Variants in HDGF observed in about 807,000 individuals in gnomAD.
The protein encoded by HDGF is heparin binding growth factor.
In HDGF, 5 loss-of-function variants were observed where a neutral mutation model predicts 30.0. That is an observed-to-expected ratio of 0.17 (90% CI 0.09 to 0.35). HDGF has a LOEUF of 0.35. Among genes scored for constraint, HDGF ranks in the 10% least tolerant of loss-of-function variants. The pLI, the probability that HDGF is intolerant of heterozygous loss-of-function variation, is 1.00. For synonymous variants in HDGF, 133 were observed against 112.7 expected (o/e 1.18, Z -1.14); for missense variants, 214 against 302.8 (o/e 0.71, Z 2.18).
chr1:156,748,921 TGAGGTCCTGGCTG>T (rs1650782047), intron 1 of HDGF, among the ~76,000 whole-genome samples: 1 of 151,970 alleles, frequency 6.6e-6, no homozygotes, highest in Admixed American at 6.6e-5. Flanking sequence ...GAAAGACGGG[TGAGGTCCTGGCTG>T]CCCAGGTTTT....
In HDGF at chr1:156,743,813, C is replaced by T; in HGVS notation, c.555G>A (p.Leu185=). Residue 185 remains leucine (L), a synonymous_variant, in exon 5 of 6, where the codon TTG becomes TTA. Transcript: ENST00000357325. ...CCATAGGAAGGGGCCTCTCAACCTC[C>T]AAGGTGGCTGCCTCCTTCTCCTCTC... The part of the protein sequence containing the change: ...PEGEEKEAAT[L]EVERPLPMEV... The T allele has an allele frequency of 6.2e-7, 1 of 1,611,508 alleles. No individual in the cohort carries two copies. Among genetic ancestry groups the T allele is most frequent in the Non-Finnish European group, 8.5e-7 (1 of 1,178,748 alleles).
At chr1:156,744,377 G>T in intron 3 of HDGF, 29 bp from the exon 4 acceptor site, 1 of 1,611,676 alleles carries the variant, frequency 6.2e-7, no homozygotes. Context: ...AGGCTGAGTG[G>T]CACCAGTCGC....
At chr1:156,764,779 G>A (rs999265156) in intron 1 of HDGF, among the ~76,000 whole-genome samples, 62 of 151,660 alleles carry the variant, frequency 4.1e-4, no homozygotes, top group African/African-American at 1.4e-3. Flanking sequence ...CCAGCTACTC[G>A]GGAGGCTGAG....
intron 1 of HDGF, among the ~76,000 whole-genome samples, chr1:156,763,871 A>C (rs1651301971): frequency 6.6e-6 from 1 of 151,918 alleles, no homozygotes; most frequent in Non-Finnish European, 1.5e-5. Flanking sequence ...TACAGGCATG[A>C]GCTACCGCGC....
Position 156,744,992 on chromosome 1 carries a change from G to A in HDGF, c.303+16C>T, listed in dbSNP as rs1650423898. On this transcript the variant is annotated intron_variant, in intron 3 of 5. Coordinates refer to ENST00000357325, the MANE Select transcript of HDGF (RefSeq NM_004494.3). The stretch of plus-strand genomic sequence containing the variant: ...ATCTGCTTTCCAGGGGGTCTCTGGG[G>A]CAGGCGGTGGCTCACCTGATAGCCG... The A allele has an allele frequency of 1.9e-6, 3 of 1,613,606 alleles. No homozygotes were observed. Among genetic ancestry groups the A allele is most frequent in the Non-Finnish European group, 1.7e-6 (2 of 1,179,596 alleles).
chr1:156,744,069 C>CA, intron 4 of HDGF, 94 bp downstream of exon 4: 1 of 1,358,922 alleles, frequency 7.4e-7, no homozygotes, highest in Non-Finnish European at 1.1e-6. Flanking sequence ...ATCGACCTCT[C>CA]AGACTGGGCA....
At chr1:156,751,954 T>C, upstream of HDGF, 1 of 1,295,344 alleles carries the variant, frequency 7.7e-7, no homozygotes, top group Non-Finnish European at 1.1e-6. This position sits in a 1 kb window ranked among gnomAD's most constrained non-coding sequence, Gnocchi z 4.7. Flanking sequence ...CCGCGGTCGG[T>C]GGGTGCCCGC....
At chr1:156,760,345 GA>G (rs1297485871) in intron 1 of HDGF, among the ~76,000 whole-genome samples, 4 of 152,296 alleles carry the variant, frequency 2.6e-5, no homozygotes, top group African/African-American at 7.2e-5. Context: ...GCGTGTGGGT[GA>G]GGGGGGGCCA....
chr1:156,748,602 G>C (rs763972886), intron 1 of HDGF, among the ~76,000 whole-genome samples: 10 of 152,194 alleles, frequency 6.6e-5, no homozygotes, highest in Non-Finnish European at 1.5e-4. Context: ...TGAAACACCA[G>C]CCTCCCAAGC....
chr1:156,746,867 C>G (rs1650586038), intron 1 of HDGF, among the ~76,000 whole-genome samples: 1 of 152,178 alleles, frequency 6.6e-6, no homozygotes, highest in Admixed American at 6.5e-5. Context: ...GATTAACACA[C>G]AGAGACAGGG....
At chr1:156,747,224 G>A (rs1415049524) in intron 1 of HDGF, among the ~76,000 whole-genome samples, 1 of 74,218 alleles carries the variant, frequency 1.3e-5, no homozygotes, top group Non-Finnish European at 2.6e-5. Context: ...AACCAGGAAT[G>A]TGACCGCCCC....
At chr1:156,747,861 C>T (rs1473148142) in intron 1 of HDGF, among the ~76,000 whole-genome samples, 1 of 152,132 alleles carries the variant, frequency 6.6e-6, no homozygotes, top group Non-Finnish European at 1.5e-5. Context: ...ACCTGGCCAC[C>T]GTCTCGTGCC....
chr1:156,757,437 G>A (rs1651171635), upstream of HDGF, among the ~76,000 whole-genome samples: 1 of 151,542 alleles, frequency 6.6e-6, no homozygotes, highest in African/African-American at 2.4e-5. Context: ...CTGCACTCCA[G>A]CCTGGGCGAC....
chr1:156,760,797 C>A lies in HDGF; in HGVS notation n.137-1578G>T, dbSNP rs114379234. 8.2e-3 allele frequency among the ~76,000 whole-genome samples: 1,243 copies of A among 152,068 alleles called. 21 individuals are homozygous for A. Among genetic ancestry groups the A allele is most frequent in the African/African-American group, 0.028 (1,171 of 41,470 alleles). ...CAGTTTGTAAGCTTTTATTTTTCTC[C>A]AAATTTTATCCTTCCCTGCCCTCTC... On this transcript the variant is annotated intron_variant and non_coding_transcript_variant, in intron 1 of 7. Coordinates refer to the HDGF transcript ENST00000465180.
At chr1:156,759,022 T>C (rs1651199774) in exon 2 of HDGF, 1 of 152,254 alleles carries the variant, frequency 6.6e-6, no homozygotes, top group African/African-American at 2.4e-5. Flanking sequence ...TGGGGAGTTG[T>C]ATTCCTGGGT....
chr1:156,756,943 C>T (rs965268685), upstream of HDGF, among the ~76,000 whole-genome samples: 2 of 151,788 alleles, frequency 1.3e-5, no homozygotes, highest in Admixed American at 1.3e-4. Context: ...CAGTTGTACG[C>T]CACCACGCCC....
intron 1 of HDGF, chr1:156,759,269 C>G (rs1343947738): frequency 1.3e-5 from 2 of 152,052 alleles, no homozygotes; most frequent in African/African-American, 4.8e-5. Flanking sequence ...TCCATGTTAC[C>G]CCTCTCCCTT....
intron 1 of HDGF, among the ~76,000 whole-genome samples, chr1:156,750,365 C>G (rs1434453655): frequency 6.6e-6 from 1 of 152,194 alleles, no homozygotes; most frequent in Admixed American, 6.5e-5. Context: ...CAGCAACTGG[C>G]AACCTCCCAT....
At chr1:156,746,608 G>A (rs1216992048) in intron 1 of HDGF, among the ~76,000 whole-genome samples, 1 of 152,196 alleles carries the variant, frequency 6.6e-6, no homozygotes, top group Non-Finnish European at 1.5e-5. Context: ...AAGGTGAGAG[G>A]TGCAGAAATC....
Sources: allele counts gnomAD v4.1 joint callset (sites outside exome capture counted in the v4.1 genomes callset), GRCh38; gene constraint gnomAD v4.1.1; non-coding constraint Gnocchi (gnomAD v3.1); transcripts MANE v1.5; gene names NCBI Gene and HGNC (gene_info 2026-07-23, HGNC 2026-07-21).